Variants in YTHDF3 observed in about 807,000 individuals in gnomAD.
YTHDF3 encodes YTH N6-methyladenosine RNA binding protein F3, also known as YTH domain-containing family protein 3.
A neutral mutation model predicts 52.5 loss-of-function variants in YTHDF3; 9 were observed. The observed-to-expected ratio is 0.17, with a 90% CI of 0.10 to 0.30. The LOEUF (loss-of-function observed/expected upper bound fraction) is 0.30, where lower values mean the gene tolerates loss of function less well. YTHDF3 is among the 10% of genes least tolerant of loss of function. The pLI is 1.00. For missense variants in YTHDF3, 534 were observed against 715.0 expected, an observed-to-expected ratio of 0.75 and a Z score of 2.89; for synonymous variants, 274 against 243.3, an observed-to-expected ratio of 1.13 and a Z score of -1.18.
intron 4 of YTHDF3, 76 bp from the exon 5 acceptor site, chr8:63,209,607 A>G: frequency 2.2e-6 from 3 of 1,364,216 alleles, no homozygotes; most frequent in East Asian, 5.0e-5. Flanking sequence ...TTATATGTGC[A>G]TATAGTTTAA....
At chr8:63,176,386 A>G (rs1807694209) in intron 3 of YTHDF3, among the ~76,000 whole-genome samples, 2 of 152,092 alleles carry the variant, frequency 1.3e-5, no homozygotes, top group South Asian at 4.1e-4. Context: ...GGTTCACGCC[A>G]TTCTCCTGCC....
At chr8:63,178,774 A>G (rs532789524) in intron 3 of YTHDF3, among the ~76,000 whole-genome samples, 1 of 152,252 alleles carries the variant, frequency 6.6e-6, no homozygotes, top group Admixed American at 6.5e-5. Flanking sequence ...GGTAAGTCGT[A>G]TGAGAATTTA....
intron 3 of YTHDF3, among the ~76,000 whole-genome samples, chr8:63,178,143 C>T (rs1243833987): frequency 6.6e-6 from 1 of 152,114 alleles, no homozygotes; most frequent in Non-Finnish European, 1.5e-5. Flanking sequence ...GCATGTTTTG[C>T]TTGATAACAG....
intron 2 of YTHDF3, chr8:63,173,635 C>T: frequency 1.0e-5 from 10 of 985,046 alleles, no homozygotes; most frequent in Non-Finnish European, 1.2e-5. Context: ...ACCATGCATA[C>T]TTACCTTTGA....
chr8:63,181,563 TAC>T (rs1808140921), intron 3 of YTHDF3, among the ~76,000 whole-genome samples: 1 of 152,250 alleles, frequency 6.6e-6, no homozygotes, highest in African/African-American at 2.4e-5. Flanking sequence ...TACAGACGTG[TAC>T]ACACACCTAT....
intron 3 of YTHDF3, among the ~76,000 whole-genome samples, chr8:63,180,013 G>A (rs1398215434): frequency 2.0e-5 from 3 of 151,184 alleles, no homozygotes; most frequent in South Asian, 2.1e-4. Context: ...GCGGCTGGCC[G>A]GGCGGGGGGC....
intron 2 of YTHDF3, among the ~76,000 whole-genome samples, chr8:63,171,563 A>G (rs796764333): frequency 6.6e-6 from 1 of 152,304 alleles, no homozygotes; most frequent in South Asian, 2.1e-4. Flanking sequence ...TATTTTTATG[A>G]CTGCAGGGAG....
chr8:63,184,905 G>A (rs1196836518), intron 3 of YTHDF3, among the ~76,000 whole-genome samples: 3 of 152,152 alleles, frequency 2.0e-5, no homozygotes, highest in African/African-American at 7.2e-5. Context: ...GATTGCTTGA[G>A]CCCAGGAGTT....
At position 63,211,393 on chromosome 8, in the gene YTHDF3, G is replaced by T. The variant is rs1302191492; in HGVS notation, c.*1687G>T. On this transcript the variant is annotated 3_prime_UTR_variant, in exon 5 of 5. Transcript: ENST00000539294. ...TTGCACCTATTTTACCTTTTTAAGA[G>T]TAAGCCATGAAATCTTGTAACATGT... 1 of 152,524 alleles carries T rather than the reference G, an allele frequency of 6.6e-6. No homozygotes were observed. The highest frequency in any genetic ancestry group is 1.5e-5 in the Non-Finnish European group (1 of 67,982). 9.4% of individuals were successfully genotyped at this position (152,524 alleles called of 1,614,324 possible).
chr8:63,194,067 G>A (rs1809083610), intron 4 of YTHDF3, among the ~76,000 whole-genome samples: 1 of 150,844 alleles, frequency 6.6e-6, no homozygotes, highest in Non-Finnish European at 1.5e-5. Flanking sequence ...CAGTTCAAAT[G>A]TCCATCATTA....
At position 63,175,409 on chromosome 8, in the gene YTHDF3, C is replaced by T; in HGVS notation, c.128C>T (p.Thr43Ile). The T allele has an allele frequency of 3.7e-6, 6 of 1,610,534 alleles. No homozygotes were observed. The highest frequency in any genetic ancestry group is 5.1e-6 in the Non-Finnish European group (6 of 1,177,808). Residue 43 changes from threonine to isoleucine, a missense_variant, in exon 3 of 5, where the codon ACA becomes ATA. By Grantham distance (89) the Thr-to-Ile change is moderately conservative (BLOSUM62 -1). This residue lies in a region of YTHDF3 where 196 missense variants were observed against 299.5 expected (regional missense o/e 0.65). Coordinates refer to ENST00000539294, the MANE Select transcript of YTHDF3 (RefSeq NM_152758.6). ...TTTGAGCCATACTTAAGTAGCCAGACAAATCAGGTAAGTCTTCTGACAGTT... is the reference window on the plus strand; with the variant it reads ...TTTGAGCCATACTTAAGTAGCCAGATAAATCAGGTAAGTCTTCTGACAGTT... ...DDFEPYLSSQ[T>I]NQSNSYPPMS...
intron 4 of YTHDF3, among the ~76,000 whole-genome samples, chr8:63,193,188 G>A (rs2150382846): frequency 6.6e-6 from 1 of 152,066 alleles, no homozygotes; most frequent in East Asian, 1.9e-4. Context: ...TACCAGCCTG[G>A]CCAACATGGT....
At chr8:63,184,622 C>T (rs923498840) in intron 3 of YTHDF3, among the ~76,000 whole-genome samples, 4 of 152,110 alleles carry the variant, frequency 2.6e-5, no homozygotes, top group African/African-American at 7.2e-5. Flanking sequence ...GGATCTATGA[C>T]GTTATGTCAC....
chr8:63,179,328 C>A (rs539706078), intron 3 of YTHDF3, among the ~76,000 whole-genome samples: 1 of 151,684 alleles, frequency 6.6e-6, no homozygotes, highest in Non-Finnish European at 1.5e-5. Context: ...AACAAGTGAA[C>A]AAAGGTCTCT....
rs1401340154 is a variant in YTHDF3, at chr8:63,212,769, A to G, written c.*3063A>G. On this transcript the variant is annotated 3_prime_UTR_variant, in exon 5 of 5. Transcript: ENST00000539294. The stretch of plus-strand genomic sequence containing the variant: ...TCCTCTTTAATCTTTGAGGGTTTCA[A>G]TAAAAATTGTTCACTCATATCTGTG... The G allele has an allele frequency of 6.6e-6, 1 of 152,652 alleles. No individual in the cohort carries two copies. The highest frequency in any genetic ancestry group is 1.5e-5 in the Non-Finnish European group (1 of 68,038). 9.5% of individuals were successfully genotyped at this position (152,652 alleles called of 1,614,324 possible).
chr8:63,172,709 C>G, intron 2 of YTHDF3: 5 of 1,169,968 alleles, frequency 4.3e-6, no homozygotes, highest in Non-Finnish European at 5.4e-6. Context: ...TAGTCAGGAC[C>G]AGAGCAAAGA....
At chr8:63,195,823 A>G (rs1809201897) in intron 4 of YTHDF3, among the ~76,000 whole-genome samples, 1 of 151,016 alleles carries the variant, frequency 6.6e-6, no homozygotes, top group Non-Finnish European at 1.5e-5. Flanking sequence ...TGTGTGTGTC[A>G]GGGTCTCACT....
intron 3 of YTHDF3, among the ~76,000 whole-genome samples, chr8:63,176,280 T>G: frequency 6.6e-6 from 1 of 152,170 alleles, no homozygotes; most frequent in East Asian, 1.9e-4. Context: ...TCTGTAGTTC[T>G]TATTTATTTA....
chr8:63,182,459 C>T (rs902795658), intron 3 of YTHDF3, among the ~76,000 whole-genome samples: 15 of 152,058 alleles, frequency 9.9e-5, no homozygotes, highest in Non-Finnish European at 1.5e-4. Context: ...ACTTGTTGGC[C>T]TCTTAGTTTG....
Sources: gnomAD v4.1 joint callset for allele counts (sites outside exome capture counted in the v4.1 genomes callset) on GRCh38, gnomAD v4.1.1 for gene constraint, gnomAD v4.1.1 regional missense constraint, MANE v1.5 for transcripts, NCBI Gene and HGNC (gene_info 2026-07-23, HGNC 2026-07-21) for gene names.